MAST4: variants seen among roughly 807,000 people sequenced by gnomAD.
The protein encoded by MAST4 is microtubule-associated serine/threonine-protein kinase 4.
A neutral mutation model predicts 162.7 loss-of-function variants in MAST4; 89 were observed. The ratio of observed to expected loss-of-function variants is 0.55; its 90% confidence interval spans 0.46 to 0.65. MAST4 has a LOEUF of 0.65. Among genes scored for constraint, MAST4 ranks in the 30% least tolerant of loss-of-function variants. The pLI, the probability that MAST4 is intolerant of heterozygous loss-of-function variation, is 0.00. For missense variants in MAST4, 3,153 were observed against 3,374.0 expected, an observed-to-expected ratio of 0.93 and a Z score of 1.62; for synonymous variants, 1,479 against 1,361.1, an observed-to-expected ratio of 1.09 and a Z score of -1.91.
intron 4 of MAST4, among the ~76,000 whole-genome samples, chr5:66,913,984 A>G (rs1405558807): frequency 6.6e-6 from 1 of 152,094 alleles, no homozygotes; most frequent in South Asian, 2.1e-4. Context: ...TATTTCATTG[A>G]TTTGTCTTTA....
At chr5:67,074,609 C>T (rs1761381030) in intron 5 of MAST4, among the ~76,000 whole-genome samples, 2 of 151,986 alleles carry the variant, frequency 1.3e-5, no homozygotes, top group South Asian at 4.1e-4. Flanking sequence ...TAATTTGTAG[C>T]CATTTAAAAA....
intron 26 of MAST4, among the ~76,000 whole-genome samples, chr5:67,159,686 C>G (rs1772967397): frequency 6.6e-6 from 1 of 152,202 alleles, no homozygotes; most frequent in Non-Finnish European, 1.5e-5. Context: ...GCCCTGGGCC[C>G]CCCTCGGCCT....
At chr5:67,049,061 G>GTATATATATATATATATATATACGTATA in intron 4 of MAST4, among the ~76,000 whole-genome samples, 1 of 75,908 alleles carries the variant, frequency 1.3e-5, no homozygotes, top group East Asian at 2.6e-4. Context: ...ATATATATAC[G>GTATATATATATATATATATATACGTATA]TATATATATA....
chr5:67,095,166 C>T (rs1364069811), intron 6 of MAST4, among the ~76,000 whole-genome samples: 5 of 152,118 alleles, frequency 3.3e-5, no homozygotes, highest in African/African-American at 9.7e-5. Context: ...GAAAGTGTTT[C>T]GGATGCAAAG....
chr5:67,088,345 G>A (rs528174216), intron 5 of MAST4, among the ~76,000 whole-genome samples: 42 of 152,188 alleles, frequency 2.8e-4, no homozygotes, highest in African/African-American at 9.6e-4. Context: ...GAATGTCTTG[G>A]CTTCAGATAA....
chr5:66,713,108 CT>C (rs1750600051), intron 1 of MAST4, among the ~76,000 whole-genome samples: 2 of 152,152 alleles, frequency 1.3e-5, no homozygotes, highest in South Asian at 2.1e-4. Flanking sequence ...GAACAATCTG[CT>C]TCTTATTTCT....
At chr5:67,152,920 A>G in intron 25 of MAST4, 54 bp downstream of exon 25, 1 of 1,446,636 alleles carries the variant, frequency 6.9e-7, no homozygotes, top group Non-Finnish European at 9.6e-7. Context: ...CAAGCTGGAG[A>G]GTGGATAGGT....
At chr5:67,148,154 G>C (rs55761373) in intron 23 of MAST4, among the ~76,000 whole-genome samples, 2 of 152,300 alleles carry the variant, frequency 1.3e-5, no homozygotes, top group East Asian at 3.9e-4. Context: ...TGTGCTGGCC[G>C]CTCTTTCAAA....
intron 4 of MAST4, among the ~76,000 whole-genome samples, chr5:67,051,853 T>C (rs1215009061): frequency 6.6e-6 from 1 of 152,200 alleles, no homozygotes; most frequent in Non-Finnish European, 1.5e-5. Flanking sequence ...CAGCCTATAT[T>C]ATATAAACAC....
At chr5:66,724,432 G>T (rs911275153) in intron 1 of MAST4, among the ~76,000 whole-genome samples, 2 of 152,134 alleles carry the variant, frequency 1.3e-5, no homozygotes, top group African/African-American at 2.4e-5. Context: ...TTTTGATTTG[G>T]ATCATTCTTG....
intron 1 of MAST4, among the ~76,000 whole-genome samples, chr5:66,725,879 A>G (rs556835227): frequency 1.3e-5 from 2 of 152,294 alleles, no homozygotes; most frequent in African/African-American, 2.4e-5. Context: ...GATGTTGATG[A>G]TATTCACTCA....
At chr5:66,917,059 A>G (rs969140726) in intron 4 of MAST4, 11 of 717,256 alleles carry the variant, frequency 1.5e-5, no homozygotes, top group Non-Finnish European at 2.9e-5. Context: ...ACTTTACCCA[A>G]AAGAATAGAA....
chr5:66,600,598 A>G (rs956937373), intron 1 of MAST4, among the ~76,000 whole-genome samples: 13 of 152,260 alleles, frequency 8.5e-5, no homozygotes, highest in African/African-American at 3.1e-4. Context: ...CTATGAAAAT[A>G]GTTGCACATT....
At chr5:66,923,492 T>C (rs1764679464) in intron 4 of MAST4, among the ~76,000 whole-genome samples, 1 of 152,174 alleles carries the variant, frequency 6.6e-6, no homozygotes, top group Admixed American at 6.5e-5. Flanking sequence ...AACAAAATCA[T>C]GCAACTGGTT....
At chr5:67,017,573 T>C (rs1189868536) in intron 4 of MAST4, among the ~76,000 whole-genome samples, 1 of 152,082 alleles carries the variant, frequency 6.6e-6, no homozygotes, top group Non-Finnish European at 1.5e-5. Context: ...CAAGGAAAGA[T>C]ATAGAGTATT....
intron 1 of MAST4, among the ~76,000 whole-genome samples, chr5:66,687,588 ATATACATACATATATACACATATATG>A (rs1434245614): frequency 2.0e-5 from 3 of 151,794 alleles, no homozygotes; most frequent in Non-Finnish European, 4.4e-5. Context: ...ATGTGTATAT[ATATACATACATATATACACATATATG>A]TATACATAGA....
chr5:67,072,288 A>G (rs912602815), intron 5 of MAST4, among the ~76,000 whole-genome samples: 4 of 152,322 alleles, frequency 2.6e-5, no homozygotes, highest in African/African-American at 9.6e-5. Flanking sequence ...AAACACTGTT[A>G]ATACATCATA....
intron 3 of MAST4, among the ~76,000 whole-genome samples, chr5:66,892,749 G>A (rs115015195): frequency 2.0e-5 from 3 of 152,032 alleles, no homozygotes; most frequent in East Asian, 1.9e-4. Flanking sequence ...TGACATTGCC[G>A]TGGTGGAGTA....
intron 3 of MAST4, among the ~76,000 whole-genome samples, chr5:66,843,767 A>G (rs568468066): frequency 6.6e-6 from 1 of 152,152 alleles, no homozygotes; most frequent in East Asian, 1.9e-4. Flanking sequence ...GGTAGGGTCA[A>G]TTTTCTGGGA....
Sources: gnomAD v4.1 joint callset for allele counts (sites outside exome capture counted in the v4.1 genomes callset) on GRCh38, gnomAD v4.1.1 for gene constraint, MANE v1.5 for transcripts, NCBI Gene and HGNC (gene_info 2026-07-23, HGNC 2026-07-21) for gene names.